SZT2: variants seen among roughly 807,000 people sequenced by gnomAD.
The protein encoded by SZT2 is KICSTOR complex protein SZT2.
A neutral mutation model predicts 404.2 loss-of-function variants in SZT2; 216 were observed. The observed-to-expected ratio is 0.53, with a 90% CI of 0.48 to 0.60. The LOEUF (loss-of-function observed/expected upper bound fraction) is 0.60, where lower values mean the gene tolerates loss of function less well. Among genes scored for constraint, SZT2 ranks in the 20% least tolerant of loss-of-function variants. SZT2 has a pLI of 0.00. For synonymous variants in SZT2, 1,693 were observed against 1,749.9 expected, an observed-to-expected ratio of 0.97 and a Z score of 0.81; for missense variants, 3,857 against 4,459.2, an observed-to-expected ratio of 0.86 and a Z score of 3.85.
intron 15 of SZT2, among the ~76,000 whole-genome samples, chr1:43,423,870 G>A (rs1045883947): frequency 5.3e-5 from 8 of 150,808 alleles, no homozygotes; most frequent in Admixed American, 2.6e-4. Flanking sequence ...GTGTGGAAGG[G>A]TGTGGCTTAG....
chr1:43,437,582 T>C lies in SZT2; in HGVS notation c.6291-13T>C. The C allele has an allele frequency of 2.5e-6, 4 of 1,614,086 alleles. No individual in the cohort carries two copies. Among genetic ancestry groups the C allele is most frequent in the Non-Finnish European group, 3.4e-6 (4 of 1,179,986 alleles). On this transcript the variant is annotated splice_polypyrimidine_tract_variant and intron_variant, in intron 44 of 71. Coordinates refer to ENST00000634258, the MANE Select transcript of SZT2 (RefSeq NM_001365999.1). The surrounding 1 kb of genome is among the most constrained non-coding windows in gnomAD (Gnocchi z 5.3). ...GGAGGAGGCATGTCCAAAGACATGC[T>C]GCTCTTTCCCAGGCTCCTAGAGACA...
intron 1 of SZT2, among the ~76,000 whole-genome samples, chr1:43,397,657 AGCTGGGACTACAGATGTG>A (rs1377959216): frequency 6.6e-6 from 1 of 151,652 alleles, no homozygotes; most frequent in Non-Finnish European, 1.5e-5. Context: ...TCCCCTAAGT[AGCTGGGACTACAGATGTG>A]CTCCACTATG....
Position 43,452,407 on chromosome 1 carries a change from G to A in SZT2, c.*1927G>A, listed in dbSNP as rs74069991. The A allele has an allele frequency of 9.9e-3, 9,775 of 987,118 alleles. 628 individuals carry two copies. In the African/African-American group the frequency reaches 0.14, roughly 14 times the overall value. 61.1% of individuals were successfully genotyped at this position (987,118 alleles called of 1,614,324 possible). ...TCCCTGACTGTGCCAGCCCTCGTCC[G>A]TCTCCCCAGGTCTCCAGTCCATGGC... On this transcript the variant is annotated 3_prime_UTR_variant, in exon 72 of 72. Transcript: ENST00000634258.
intron 1 of SZT2, among the ~76,000 whole-genome samples, chr1:43,395,645 T>C (rs750668665): frequency 5.3e-5 from 8 of 152,234 alleles, no homozygotes; most frequent in Non-Finnish European, 1.2e-4. Flanking sequence ...TCGGAGCACT[T>C]ACTCAGTGTG....
At chr1:43,428,592 A>C (rs1215491452) in intron 28 of SZT2, 106 bp downstream of exon 28, 1 of 1,465,952 alleles carries the variant, frequency 6.8e-7, no homozygotes, top group African/African-American at 1.4e-5. Context: ...GTATCTAAGC[A>C]CCTGAGAAGC....
chr1:43,429,923 G>A, intron 29 of SZT2, 79 bp downstream of exon 29: 1 of 1,611,876 alleles, frequency 6.2e-7, no homozygotes, highest in Non-Finnish European at 8.5e-7. Flanking sequence ...CTGGGCGGGG[G>A]GTATGCATGT....
In SZT2 at chr1:43,430,117, T is replaced by C; in HGVS notation, c.4401+14T>C. ...AGCAGGCGAGAAGTGAGTGGCTCTCTTCCTTACCTCTCTCGTGCCCTCAAC... is the reference window on the plus strand; with the variant it reads ...AGCAGGCGAGAAGTGAGTGGCTCTCCTCCTTACCTCTCTCGTGCCCTCAAC... On this transcript the variant is annotated intron_variant, in intron 30 of 71. Transcript: ENST00000634258. 1 of 1,613,978 alleles carries C rather than the reference T, an allele frequency of 6.2e-7. No individual in the cohort carries two copies. The highest frequency in any genetic ancestry group is 8.5e-7 in the Non-Finnish European group (1 of 1,179,874).
chr1:43,447,198 C>T, intron 66 of SZT2, 30 bp downstream of exon 66: 1 of 1,586,010 alleles, frequency 6.3e-7, no homozygotes, highest in Non-Finnish European at 8.6e-7. Context: ...CCAGTGAACC[C>T]AAAAAAGAAC....
Position 43,420,928 on chromosome 1 carries a change from A to G in SZT2, c.1441A>G (p.Ile481Val). 3 of 1,598,428 alleles carry G rather than the reference A, an allele frequency of 1.9e-6. No individual in the cohort carries two copies. Among genetic ancestry groups the G allele is most frequent in the Non-Finnish European group, 2.5e-6 (3 of 1,179,800 alleles). ...HDVSCALRQP[I>V]RSLYRTHVIR... Reference sequence around the variant, plus strand: ...TGTGTCCTGTGCACTAAGGCAGCCCATTCGTTCATTGTATCGTACCCATGT... The same window carrying G: ...TGTGTCCTGTGCACTAAGGCAGCCCGTTCGTTCATTGTATCGTACCCATGT... The change falls in exon 10 of 72, where the codon ATT becomes GTT. Residue 481 changes from isoleucine (I) to valine (V), a missense_variant. By Grantham distance (29) the Ile-to-Val change is conservative. Around this residue, in one of 7 missense-constraint regions of SZT2, gnomAD observed 536 missense variants for 637.4 expected, o/e 0.84. Transcript: ENST00000634258. This position sits in a 1 kb window ranked among gnomAD's most constrained non-coding sequence, Gnocchi z 5.1.
rs1348663515 is a variant in SZT2, at chr1:43,448,511, G to A, written c.9969+27G>A. 1 of 1,609,278 alleles carries A rather than the reference G, an allele frequency of 6.2e-7. No individual in the cohort carries two copies. The highest frequency in any genetic ancestry group is 1.3e-5 in the African/African-American group (1 of 74,754). ...TAAGGAACTGTGGGCTCCCGAAAGAGCTGGGATAGGTGCCAGGAATTCCAC... is the reference window on the plus strand; with the variant it reads ...TAAGGAACTGTGGGCTCCCGAAAGAACTGGGATAGGTGCCAGGAATTCCAC... On this transcript the variant is annotated intron_variant, in intron 69 of 71. Coordinates refer to ENST00000634258, the MANE Select transcript of SZT2 (RefSeq NM_001365999.1). This position sits in a 1 kb window ranked among gnomAD's most constrained non-coding sequence, Gnocchi z 4.2.
Position 43,424,660 on chromosome 1 carries a change from G to A in SZT2, c.2472-124G>A. ...CCCTGAGGGACCGCCAGTCTAAGCA[G>A]GGCCAGCAGCAGACTTGGCTCCTTG... On this transcript the variant is annotated intron_variant, in intron 16 of 71. Coordinates refer to ENST00000634258, the MANE Select transcript of SZT2 (RefSeq NM_001365999.1). This position sits in a 1 kb window ranked among gnomAD's most constrained non-coding sequence, Gnocchi z 4.1. 1.1e-6 allele frequency: 1 copy of A among 924,580 alleles called. No homozygotes were observed. The highest frequency in any genetic ancestry group is 1.7e-6 in the Non-Finnish European group (1 of 597,858). 57.3% of individuals were successfully genotyped at this position (924,580 alleles called of 1,614,324 possible). A position where few individuals can be genotyped will look rare whatever the true frequency, so the allele number is the denominator to read the frequency against.
chr1:43,452,756 C>T lies in SZT2; in HGVS notation c.*2276C>T. 3 of 782,282 alleles carry T rather than the reference C, an allele frequency of 3.8e-6. No individual in the cohort carries two copies. The South Asian group carries it at 5.0e-5, about 13-fold the overall frequency. 48.5% of individuals were successfully genotyped at this position (782,282 alleles called of 1,614,324 possible). ...AGTAGTGATCCCCTCTTGCCAGTTC[C>T]TTCTGAGCCTGTTTGGCCTCTGCAG... is the stretch of plus-strand genomic sequence containing the variant. On this transcript the variant is annotated 3_prime_UTR_variant, in exon 72 of 72. Transcript: ENST00000634258.
intron 4 of SZT2, among the ~76,000 whole-genome samples, chr1:43,414,813 T>TG (rs754246136): frequency 5.3e-5 from 8 of 152,132 alleles, no homozygotes; most frequent in Non-Finnish European, 1.2e-4. Context: ...AGTGCCCCCA[T>TG]GTGGGGGGTT....
rs1652892574 is a variant in SZT2, at chr1:43,424,427, C to T, written c.2466C>T (p.Leu822=). The change falls in exon 16 of 72, where the codon CTC becomes CTT. Residue 822 remains leucine (L), a synonymous_variant. Coordinates refer to ENST00000634258, the MANE Select transcript of SZT2 (RefSeq NM_001365999.1). This position sits in a 1 kb window ranked among gnomAD's most constrained non-coding sequence, Gnocchi z 4.1. ...CCATTGCCCAGCTCCTCTCCATCCT[C>T]ACTGAGTATGTCATCCAAGCCTGCC... The part of the protein sequence containing the change: ...LSAIAQLLSI[L]TEVRLSEGFH... 3.8e-6 allele frequency: 6 copies of T among 1,597,578 alleles called. No homozygotes were observed. The highest frequency in any genetic ancestry group is 5.1e-6 in the Non-Finnish European group (6 of 1,179,508).
chr1:43,443,893 A>G (rs1158309665), intron 62 of SZT2, 97 bp downstream of exon 62: 14 of 1,491,468 alleles, frequency 9.4e-6, no homozygotes, highest in Admixed American at 3.7e-5. Flanking sequence ...TATGTTGACA[A>G]TTTGGGCTGG....
rs890185588 is a variant in SZT2, at chr1:43,442,298, G to C, written c.7904G>C (p.Gly2635Ala). Residue 2635 changes from glycine to alanine, a missense_variant, in exon 57 of 72, where the codon GGA becomes GCA. By Grantham distance (60) the Gly-to-Ala change is moderately conservative (BLOSUM62 0). Transcript: ENST00000634258. The surrounding 1 kb of genome is among the most constrained non-coding windows in gnomAD (Gnocchi z 4.5). ...AAAGCCATGCAGCGCTTCGAGCCAG[G>C]AGGTGATGGGAGCTCAGGGCGAAAT... ...AAKAMQRFEP[G>A]GDGSSGRNAP... 6.2e-7 allele frequency: 1 copy of C among 1,613,992 alleles called. No individual in the cohort carries two copies. Among genetic ancestry groups the C allele is most frequent in the Admixed American group, 1.7e-5 (1 of 59,990 alleles).
chr1:43,390,531 C>G (rs1428497876), intron 1 of SZT2, among the ~76,000 whole-genome samples: 1 of 152,214 alleles, frequency 6.6e-6, no homozygotes, highest in Non-Finnish European at 1.5e-5. Context: ...TTCCCGGATC[C>G]TGTTTCCTTC....
intron 1 of SZT2, among the ~76,000 whole-genome samples, chr1:43,396,496 A>G (rs1197539485): frequency 2.6e-5 from 4 of 152,202 alleles, no homozygotes; most frequent in Non-Finnish European, 5.9e-5. Context: ...TACCAACTAA[A>G]CAGGTATGGG....
At chr1:43,390,500 CTG>C (rs1648161956) in intron 1 of SZT2, among the ~76,000 whole-genome samples, 1 of 152,252 alleles carries the variant, frequency 6.6e-6, no homozygotes. Context: ...TGTAGCTAAT[CTG>C]TGCAACCTCA....
Sources: gnomAD v4.1 joint callset for allele counts (sites outside exome capture counted in the v4.1 genomes callset) on GRCh38, gnomAD v4.1.1 for gene constraint, gnomAD v4.1.1 regional missense constraint, Gnocchi (gnomAD v3.1) non-coding constraint, MANE v1.5 for transcripts, NCBI Gene and HGNC (gene_info 2026-07-23, HGNC 2026-07-21) for gene names.